AGBL4: variants seen among roughly 807,000 people sequenced by gnomAD.
AGBL4 encodes AGBL carboxypeptidase 4.
A neutral mutation model predicts 66.4 loss-of-function variants in AGBL4; 58 were observed. That is an observed-to-expected ratio of 0.87 (90% CI 0.71 to 1.09). AGBL4 has a LOEUF of 1.09. Ranked by LOEUF, AGBL4 falls within the 50% of genes least tolerant of loss-of-function variation. The pLI is 0.00. For missense variants in AGBL4, 579 were observed against 631.0 expected, an observed-to-expected ratio of 0.92 and a Z score of 0.88; for synonymous variants, 234 against 222.9, an observed-to-expected ratio of 1.05 and a Z score of -0.44.
chr1:49,727,998 A>C (rs1649159589), intron 2 of AGBL4, among the ~76,000 whole-genome samples: 1 of 152,174 alleles, frequency 6.6e-6, no homozygotes. Context: ...TTGCATAGCC[A>C]CTCAAATCAA....
At chr1:49,665,636 C>T (rs1421478956) in intron 3 of AGBL4, among the ~76,000 whole-genome samples, 1 of 151,972 alleles carries the variant, frequency 6.6e-6, no homozygotes, top group Non-Finnish European at 1.5e-5. Context: ...AAATCTGTCT[C>T]CATGCAAAAA....
chr1:49,611,985 A>G (rs1645163798), intron 3 of AGBL4, among the ~76,000 whole-genome samples: 1 of 152,204 alleles, frequency 6.6e-6, no homozygotes, highest in Non-Finnish European at 1.5e-5. Context: ...TGCATGGAGA[A>G]AGATGCCAGA....
chr1:49,182,560 A>G (rs1042644580), intron 4 of AGBL4, among the ~76,000 whole-genome samples: 8 of 152,238 alleles, frequency 5.3e-5, no homozygotes, highest in Admixed American at 2.6e-4. Flanking sequence ...AATTGATAGT[A>G]GAAGCTTGAC....
chr1:49,436,400 A>G (rs1452343155), intron 3 of AGBL4, among the ~76,000 whole-genome samples: 4 of 152,208 alleles, frequency 2.6e-5, no homozygotes, highest in Non-Finnish European at 5.9e-5. Context: ...CTCAAAAGCA[A>G]TAATAGATTC....
intron 6 of AGBL4, among the ~76,000 whole-genome samples, chr1:48,770,692 C>T (rs1644774237): frequency 6.6e-6 from 1 of 152,132 alleles, no homozygotes; most frequent in Non-Finnish European, 1.5e-5. Context: ...AGGTCTCAAG[C>T]TACTCATCAT....
intron 1 of AGBL4, among the ~76,000 whole-genome samples, chr1:50,021,176 A>G (rs1440456775): frequency 6.6e-6 from 1 of 152,096 alleles, no homozygotes; most frequent in African/African-American, 2.4e-5. Context: ...TGAGTATTCC[A>G]TTTATCTTGA....
intron 3 of AGBL4, among the ~76,000 whole-genome samples, chr1:49,583,022 C>T (rs984486372): frequency 7.9e-5 from 12 of 152,134 alleles, no homozygotes; most frequent in Non-Finnish European, 1.3e-4. Flanking sequence ...GTTCCTAAAA[C>T]CCTTGTAATT....
chr1:49,423,352 A>T (rs1645586243), intron 3 of AGBL4, among the ~76,000 whole-genome samples: 1 of 152,202 alleles, frequency 6.6e-6, no homozygotes, highest in South Asian at 2.1e-4. Flanking sequence ...AAAGTATTTT[A>T]AAAATAAAAA....
intron 3 of AGBL4, among the ~76,000 whole-genome samples, chr1:49,632,443 G>C (rs1213861497): frequency 6.6e-6 from 1 of 152,150 alleles, no homozygotes; most frequent in Non-Finnish European, 1.5e-5. Context: ...ATAATTATAT[G>C]TCAACAGATT....
intron 6 of AGBL4, among the ~76,000 whole-genome samples, chr1:48,809,738 A>G (rs12138685): frequency 0.07 from 10,619 of 152,118 alleles, 503 homozygotes; most frequent in East Asian, 0.17. Flanking sequence ...TAAACTCTAA[A>G]TTACTCTTAG....
chr1:49,241,746 T>A (rs1651256734), intron 4 of AGBL4, among the ~76,000 whole-genome samples: 1 of 151,942 alleles, frequency 6.6e-6, no homozygotes, highest in Admixed American at 6.6e-5. Flanking sequence ...TAATACTCAA[T>A]CAGTCTTGGG....
intron 5 of AGBL4, among the ~76,000 whole-genome samples, chr1:48,971,368 C>A (rs1162754858): frequency 6.6e-6 from 1 of 152,034 alleles, no homozygotes; most frequent in Admixed American, 6.6e-5. Context: ...AACCATCTCC[C>A]CCTCCACCCC....
intron 5 of AGBL4, among the ~76,000 whole-genome samples, chr1:48,875,475 C>A (rs1358275769): frequency 1.3e-5 from 2 of 152,100 alleles, no homozygotes; most frequent in African/African-American, 2.4e-5. Context: ...GGGTTATAAT[C>A]CAGTGGGAAG....
chr1:49,734,885 A>T (rs980730552), intron 2 of AGBL4, among the ~76,000 whole-genome samples: 1 of 152,106 alleles, frequency 6.6e-6, no homozygotes, highest in African/African-American at 2.4e-5. Flanking sequence ...AAGCCACAGT[A>T]ACCAAATATT....
intron 5 of AGBL4, among the ~76,000 whole-genome samples, chr1:49,008,580 T>C (rs1413624094): frequency 2.0e-5 from 3 of 146,556 alleles, no homozygotes; most frequent in South Asian, 2.3e-4. Flanking sequence ...ATACATTTTT[T>C]TCAGCACCAC....
At chr1:48,709,793 G>A (rs545058033) in intron 6 of AGBL4, among the ~76,000 whole-genome samples, 5 of 151,918 alleles carry the variant, frequency 3.3e-5, no homozygotes, top group South Asian at 2.1e-4. Context: ...TAGTAGAGAC[G>A]GGGTTTCACC....
rs187778669 is a variant in AGBL4 at position 49,604,975 on chromosome 1, T to A, written c.282+92338A>T. ...ATTATTACAGGAATGATAACATCAC[T>A]ATTTATTGAGTACATATCTTATGCC... On this transcript the variant is annotated intron_variant, in intron 3 of 13. Coordinates refer to ENST00000371839, the MANE Select transcript of AGBL4 (RefSeq NM_032785.4). Among the ~76,000 whole-genome samples, 5 of 152,344 alleles carry A rather than the reference T, an allele frequency of 3.3e-5. No homozygotes were observed. The East Asian group carries it at 9.6e-4, about 29-fold the overall frequency.
chr1:49,870,191 A>G (rs1181756214), intron 1 of AGBL4, among the ~76,000 whole-genome samples: 2 of 152,292 alleles, frequency 1.3e-5, no homozygotes, highest in South Asian at 4.1e-4. Flanking sequence ...AAGATTATTA[A>G]TGAAAACACA....
chr1:49,682,896 T>G (rs1461367343), intron 3 of AGBL4, among the ~76,000 whole-genome samples: 1 of 152,216 alleles, frequency 6.6e-6, no homozygotes, highest in Non-Finnish European at 1.5e-5. Flanking sequence ...TCATGGTATA[T>G]TAAGTGCTAT....
Sources: allele counts gnomAD v4.1 joint callset (sites outside exome capture counted in the v4.1 genomes callset), GRCh38; gene constraint gnomAD v4.1.1; transcripts MANE v1.5; gene names NCBI Gene and HGNC (gene_info 2026-07-23, HGNC 2026-07-21).